The following SLC10A7 variants were observed in gnomAD, a reference collection of about 807,000 sequenced individuals.
SLC10A7 encodes solute carrier family 10 member 7, also known as sodium/bile acid cotransporter 7.
Under a neutral mutation model 43.2 loss-of-function variants are expected in SLC10A7, and 29 were observed. The observed-to-expected ratio is 0.67, with a 90% confidence interval of 0.50 to 0.92. The LOEUF (loss-of-function observed/expected upper bound fraction) is 0.92. SLC10A7 is among the 40% of genes least tolerant of loss of function. The pLI, the probability that SLC10A7 is intolerant of heterozygous loss-of-function variation, is 0.00. For missense variants in SLC10A7, 295 were observed against 403.2 expected (o/e 0.73, Z 2.30); for synonymous variants, 152 against 144.8 (o/e 1.05, Z -0.35).
chr4:146,307,329 A>G (rs1260641887), intron 6 of SLC10A7, among the ~76,000 whole-genome samples: 1 of 152,144 alleles, frequency 6.6e-6, no homozygotes, highest in African/African-American at 2.4e-5. Context: ...TTTTCTCCAC[A>G]ACCAATATAA....
chr4:146,459,358 C>T (rs1221180319), intron 4 of SLC10A7, among the ~76,000 whole-genome samples: 1 of 151,410 alleles, frequency 6.6e-6, no homozygotes, highest in African/African-American at 2.4e-5. Flanking sequence ...TAAAAATAAA[C>T]TTTATTTATT....
At chr4:146,371,913 TG>T (rs1736807905) in intron 5 of SLC10A7, among the ~76,000 whole-genome samples, 1 of 152,290 alleles carries the variant, frequency 6.6e-6, no homozygotes, top group African/African-American at 2.4e-5. Flanking sequence ...GAAGTAAGTA[TG>T]GGTTATCAGA....
intron 4 of SLC10A7, among the ~76,000 whole-genome samples, chr4:146,451,350 G>A (rs911940302): frequency 6.7e-6 from 1 of 149,274 alleles, no homozygotes; most frequent in African/African-American, 2.5e-5. Flanking sequence ...AAAAACTGAA[G>A]AGGAAGGAAT....
intron 5 of SLC10A7, among the ~76,000 whole-genome samples, chr4:146,346,263 A>T (rs1734616090): frequency 6.6e-6 from 1 of 152,160 alleles, no homozygotes; most frequent in South Asian, 2.1e-4. Flanking sequence ...GAAAACAACA[A>T]CAACAAAAAA....
chr4:146,493,121 A>G (rs1306754223), intron 4 of SLC10A7, among the ~76,000 whole-genome samples: 1 of 152,250 alleles, frequency 6.6e-6, no homozygotes, highest in Non-Finnish European at 1.5e-5. Flanking sequence ...GACAAGCTAC[A>G]GAACTTGAAA....
At chr4:146,367,095 A>G (rs1736446308) in intron 5 of SLC10A7, among the ~76,000 whole-genome samples, 1 of 152,094 alleles carries the variant, frequency 6.6e-6, no homozygotes, top group African/African-American at 2.4e-5. Context: ...AGAATAATGT[A>G]TAGATTTGTG....
chr4:146,425,976 A>G (rs1231614263), intron 5 of SLC10A7, among the ~76,000 whole-genome samples: 2 of 152,256 alleles, frequency 1.3e-5, no homozygotes, highest in Admixed American at 1.3e-4. Flanking sequence ...GAATTTAACC[A>G]TGAAGAGAGA....
chr4:146,277,831 G>T (rs1176141242), intron 10 of SLC10A7, among the ~76,000 whole-genome samples: 2 of 68,904 alleles, frequency 2.9e-5, no homozygotes, highest in African/African-American at 1.0e-4. Context: ...ACTTTAAATA[G>T]AATATAACTT....
intron 6 of SLC10A7, among the ~76,000 whole-genome samples, chr4:146,309,736 A>T (rs753297337): frequency 2.0e-5 from 3 of 152,192 alleles, no homozygotes; most frequent in Non-Finnish European, 4.4e-5. Flanking sequence ...AGGTCTCCCA[A>T]TCAGTTGTCT....
At chr4:146,259,600 C>T (rs1283502743) in intron 10 of SLC10A7, among the ~76,000 whole-genome samples, 2 of 152,124 alleles carry the variant, frequency 1.3e-5, no homozygotes, top group Non-Finnish European at 2.9e-5. Context: ...GACCCTGTCT[C>T]GAAAATCAGG....
At chr4:146,472,473 C>G (rs1733657655) in intron 4 of SLC10A7, among the ~76,000 whole-genome samples, 1 of 150,484 alleles carries the variant, frequency 6.6e-6, no homozygotes, top group African/African-American at 2.4e-5. Context: ...GCCCCTTTGC[C>G]CTTTCAATCA....
At chr4:146,436,231 C>T (rs1730203395) in intron 5 of SLC10A7, among the ~76,000 whole-genome samples, 1 of 152,048 alleles carries the variant, frequency 6.6e-6, no homozygotes, top group African/African-American at 2.4e-5. Flanking sequence ...GAACATTATG[C>T]TGCTAAAATG....
chr4:146,442,119 C>T, intron 5 of SLC10A7: 2 of 972,792 alleles, frequency 2.1e-6, no homozygotes, highest in Non-Finnish European at 2.4e-6. Flanking sequence ...GTTTCTCAAT[C>T]TTTCATAACA....
At chr4:146,443,099 C>A (rs1049490144) in intron 4 of SLC10A7, among the ~76,000 whole-genome samples, 1 of 152,058 alleles carries the variant, frequency 6.6e-6, no homozygotes, top group African/African-American at 2.4e-5. Context: ...GAATCATTGC[C>A]AATACTAAAT....
intron 5 of SLC10A7, among the ~76,000 whole-genome samples, chr4:146,395,341 G>A (rs1307208190): frequency 6.6e-6 from 1 of 152,162 alleles, no homozygotes; most frequent in African/African-American, 2.4e-5. Flanking sequence ...AGTGTGCCGT[G>A]ATCATGCCAC....
chr4:146,519,698 T>C (rs1579407581), intron 1 of SLC10A7, among the ~76,000 whole-genome samples: 1 of 152,162 alleles, frequency 6.6e-6, no homozygotes, highest in East Asian at 1.9e-4. Flanking sequence ...GCTTGGGAAG[T>C]AGAAGTTTCC....
intron 5 of SLC10A7, among the ~76,000 whole-genome samples, chr4:146,413,840 T>G (rs898354933): frequency 1.3e-5 from 2 of 152,124 alleles, no homozygotes; most frequent in Non-Finnish European, 2.9e-5. Context: ...TCAGTATCCT[T>G]GAGAGAGAAA....
intron 5 of SLC10A7, among the ~76,000 whole-genome samples, chr4:146,352,577 A>G (rs1246045152): frequency 2.0e-5 from 3 of 150,286 alleles, no homozygotes; most frequent in African/African-American, 7.4e-5. Context: ...AATCAACAGA[A>G]TATACATTTT....
intron 9 of SLC10A7, among the ~76,000 whole-genome samples, chr4:146,284,832 G>A (rs1729783795): frequency 6.6e-6 from 1 of 152,062 alleles, no homozygotes; most frequent in African/African-American, 2.4e-5. Context: ...GTTCCATAAG[G>A]TTCCGTAAAT....
Sources: allele counts gnomAD v4.1 joint callset (sites outside exome capture counted in the v4.1 genomes callset), GRCh38; gene constraint gnomAD v4.1.1; transcripts MANE v1.5; gene names NCBI Gene and HGNC (gene_info 2026-07-23, HGNC 2026-07-21).